ADAMTS9: variants seen among roughly 807,000 people sequenced by gnomAD.
ADAMTS9 encodes the protein ADAM metallopeptidase with thrombospondin type 1 motif 9.
A neutral mutation model predicts 257.1 loss-of-function variants in ADAMTS9; 107 were observed. The observed-to-expected ratio is 0.42, with a 90% CI of 0.36 to 0.49. The LOEUF is 0.49. Among genes scored for constraint, ADAMTS9 ranks in the 20% least tolerant of loss-of-function variants. The pLI is 0.03. For synonymous variants in ADAMTS9, 982 were observed against 880.9 expected, an observed-to-expected ratio of 1.11 and a Z score of -2.03; for missense variants, 2,353 against 2,469.1, an observed-to-expected ratio of 0.95 and a Z score of 1.00.
intron 23 of ADAMTS9, among the ~76,000 whole-genome samples, chr3:64,604,535 C>T (rs557829175): frequency 1.1e-3 from 169 of 152,156 alleles, no homozygotes; most frequent in Non-Finnish European, 2.2e-3. Flanking sequence ...TTTGTGGGTG[C>T]CTTAATAAAG....
rs979549021 is a variant in ADAMTS9, at chr3:64,595,601, C to T, written c.4180-1167G>A. Among the ~76,000 whole-genome samples, 3 of 152,192 alleles carry T rather than the reference C, an allele frequency of 2.0e-5. 1 individual carries two copies. The highest frequency in any genetic ancestry group is 7.2e-5 in the African/African-American group (3 of 41,442). On this transcript the variant is annotated intron_variant, in intron 27 of 39. Coordinates refer to ENST00000498707, the MANE Select transcript of ADAMTS9 (RefSeq NM_182920.2). Reference sequence around the variant, plus strand: ...TTTGGGAAATCCACAATACATGAGTCACAAAGCCTCATTCCCTTTTCTTTC... The same window carrying T: ...TTTGGGAAATCCACAATACATGAGTTACAAAGCCTCATTCCCTTTTCTTTC...
rs142626945 is a variant in ADAMTS9, at chr3:64,645,763, C to T, written c.1710+2177G>A. Among the ~76,000 whole-genome samples the T allele has an allele frequency of 2.0e-3, 299 of 152,290 alleles. 4 individuals carry two copies. The East Asian group carries it at 0.045, about 23-fold the overall frequency. ...AGTTCTTCTCCAAAAGCATCCTGAG[C>T]CTGCCTTGGGAATGCCTTGAAGGCT... On this transcript the variant is annotated intron_variant, in intron 11 of 39. Transcript: ENST00000498707.
chr3:64,577,769 A>G (rs1260083752), intron 28 of ADAMTS9, among the ~76,000 whole-genome samples: 12 of 152,208 alleles, frequency 7.9e-5, no homozygotes, highest in Non-Finnish European at 2.9e-5. Context: ...CCACCTTCTG[A>G]AATGCTTCTG....
At chr3:64,545,231 C>T (rs1321597600) in intron 32 of ADAMTS9, among the ~76,000 whole-genome samples, 3 of 152,136 alleles carry the variant, frequency 2.0e-5, no homozygotes, top group African/African-American at 7.2e-5. Context: ...CGAGAAATAC[C>T]ATTTGACCCA....
intron 38 of ADAMTS9, among the ~76,000 whole-genome samples, chr3:64,523,241 A>G (rs1454478832): frequency 1.3e-5 from 2 of 152,212 alleles, no homozygotes; most frequent in African/African-American, 2.4e-5. Flanking sequence ...CAGTCAATTA[A>G]AAAAACAAAG....
In ADAMTS9 at chr3:64,641,848, T is replaced by C. The variant is rs1700650688; in HGVS notation, c.1856A>G (p.Glu619Gly). Reference protein sequence around the residue: ...KTAIRECNRPEPKNGGKYCVG... With the variant: ...KTAIRECNRPGPKNGGKYCVG... ...AACAGTTATACATTCTAGGACTTAC[T>C]CTGGTCTGTTGCACTCTCGAATGGC... The change falls in exon 12 of 40, where the codon GAA becomes GGA. Residue 619 changes from glutamate (E) to glycine (G), a missense_variant and splice_region_variant. Transcript: ENST00000498707. 1.2e-6 allele frequency: 2 copies of C among 1,614,056 alleles called. No homozygotes were observed. The highest frequency in any genetic ancestry group is 4.5e-5 in the East Asian group (2 of 44,860).
At chr3:64,592,699 G>T (rs1312635272) in intron 28 of ADAMTS9, 2 of 151,964 alleles carry the variant, frequency 1.3e-5, no homozygotes, top group African/African-American at 4.8e-5. Context: ...GGGAAATGCA[G>T]GTTTCTTTTT....
intron 11 of ADAMTS9, among the ~76,000 whole-genome samples, chr3:64,647,536 T>G (rs1412658929): frequency 6.6e-6 from 1 of 152,242 alleles, no homozygotes; most frequent in African/African-American, 2.4e-5. Context: ...AGATGTACTA[T>G]ATTTCTACAT....
At chr3:64,640,875 A>G (rs1216935575) in intron 12 of ADAMTS9, among the ~76,000 whole-genome samples, 1 of 152,118 alleles carries the variant, frequency 6.6e-6, no homozygotes, top group Non-Finnish European at 1.5e-5. Flanking sequence ...TGCTGGGAAA[A>G]AAGTCCATGG....
chr3:64,539,544 G>A (rs1170735642), intron 36 of ADAMTS9, among the ~76,000 whole-genome samples: 1 of 152,154 alleles, frequency 6.6e-6, no homozygotes, highest in Non-Finnish European at 1.5e-5. Flanking sequence ...TCTCCCCACA[G>A]TATGGAAGCC....
chr3:64,682,113 G>A (rs1453793953), intron 2 of ADAMTS9, among the ~76,000 whole-genome samples: 1 of 152,128 alleles, frequency 6.6e-6, no homozygotes, highest in African/African-American at 2.4e-5. Flanking sequence ...GTGATGTCCT[G>A]CAAGGCTTTG....
chr3:64,632,508 T>C (rs1255256775), intron 14 of ADAMTS9, among the ~76,000 whole-genome samples: 4 of 152,198 alleles, frequency 2.6e-5, no homozygotes, highest in Non-Finnish European at 4.4e-5. Context: ...AGTATGACCA[T>C]GGGCCTCCAT....
At chr3:64,569,330 T>C (rs2083620888) in intron 28 of ADAMTS9, among the ~76,000 whole-genome samples, 1 of 152,172 alleles carries the variant, frequency 6.6e-6, no homozygotes, top group East Asian at 1.9e-4. Context: ...CATTGCCTCA[T>C]TAGTGATTAC....
At chr3:64,645,985 A>G (rs1700776226) in intron 11 of ADAMTS9, among the ~76,000 whole-genome samples, 1 of 152,238 alleles carries the variant, frequency 6.6e-6, no homozygotes, top group Non-Finnish European at 1.5e-5. Flanking sequence ...TTGGTTGGGT[A>G]ACCATACTGC....
chr3:64,587,491 C>T (rs2084181343), intron 28 of ADAMTS9: 1 of 152,182 alleles, frequency 6.6e-6, no homozygotes, highest in Non-Finnish European at 1.5e-5. Context: ...TTCCTTGTCA[C>T]TTAACCATGT....
chr3:64,603,647 G>A (rs1257846786), intron 25 of ADAMTS9, among the ~76,000 whole-genome samples: 1 of 152,110 alleles, frequency 6.6e-6, no homozygotes, highest in Non-Finnish European at 1.5e-5. Flanking sequence ...GTGAAGACTG[G>A]GATTTCTGAT....
intron 12 of ADAMTS9, among the ~76,000 whole-genome samples, chr3:64,635,257 G>A (rs9311902): frequency 0.53 from 80,139 of 151,912 alleles, 22,364 homozygotes; most frequent in African/African-American, 0.72. Flanking sequence ...TTTGCAACAT[G>A]AAGTAAGAGC....
intron 8 of ADAMTS9, 146 bp downstream of exon 8, chr3:64,654,207 A>G: frequency 5.1e-6 from 4 of 778,338 alleles, no homozygotes; most frequent in Middle Eastern, 7.9e-4. Flanking sequence ...TCACCTAATT[A>G]GGTTCAAAGC....
At chr3:64,533,535 T>C (rs1007543938) in intron 37 of ADAMTS9, among the ~76,000 whole-genome samples, 4 of 152,224 alleles carry the variant, frequency 2.6e-5, no homozygotes, top group Non-Finnish European at 5.9e-5. Context: ...AGTGATTAAC[T>C]TCTCCAGGAT....
Sources: gnomAD v4.1 joint callset for allele counts (sites outside exome capture counted in the v4.1 genomes callset) on GRCh38, gnomAD v4.1.1 for gene constraint, MANE v1.5 for transcripts, NCBI Gene and HGNC (gene_info 2026-07-23, HGNC 2026-07-21) for gene names.